The following PHIP variants were observed in gnomAD, a reference collection of about 807,000 sequenced individuals.
The protein encoded by PHIP is PH-interacting protein.
In PHIP, 54 loss-of-function variants were observed where a neutral mutation model predicts 236.8. That is an observed-to-expected ratio of 0.23 (90% CI 0.18 to 0.29). The LOEUF (loss-of-function observed/expected upper bound fraction) is 0.29, where lower values mean the gene tolerates loss of function less well. Among genes scored for constraint, PHIP ranks in the 10% least tolerant of loss-of-function variants. PHIP has a pLI of 1.00. For missense variants in PHIP, 1,370 were observed against 2,190.8 expected (o/e 0.63, Z 7.48); for synonymous variants, 756 against 718.9 (o/e 1.05, Z -0.83).
chr6:78,967,961 T>C (rs1477283975), intron 27 of PHIP, among the ~76,000 whole-genome samples: 1 of 151,738 alleles, frequency 6.6e-6, no homozygotes, highest in African/African-American at 2.4e-5. Flanking sequence ...GGTGAAACCC[T>C]GTCTCTACTA....
At chr6:79,028,058 G>C (rs1771493870) in intron 7 of PHIP, among the ~76,000 whole-genome samples, 1 of 152,000 alleles carries the variant, frequency 6.6e-6, no homozygotes, top group Non-Finnish European at 1.5e-5. Flanking sequence ...TTTAAAAAGA[G>C]CATTCCATAA....
At chr6:78,971,337 C>T (rs1767534531) in intron 24 of PHIP, among the ~76,000 whole-genome samples, 1 of 152,220 alleles carries the variant, frequency 6.6e-6, no homozygotes, top group Admixed American at 6.5e-5. Flanking sequence ...CATTTATCCA[C>T]ATTTCATGAA....
chr6:78,966,188 CA>C (rs1767112876), intron 27 of PHIP, 132 bp from the exon 28 acceptor site: 4 of 604,128 alleles, frequency 6.6e-6, no homozygotes, highest in Non-Finnish European at 1.2e-5. Flanking sequence ...CCACAAACTC[CA>C]AAAATAAGTA....
intron 9 of PHIP, among the ~76,000 whole-genome samples, chr6:79,020,170 T>A (rs9718121): frequency 0.44 from 66,242 of 151,130 alleles, 16,011 homozygotes; most frequent in East Asian, 0.8. Context: ...GCCTTTTTTT[T>A]AAAAAAAAGC....
chr6:78,952,038 GT>G (rs1007005609), intron 35 of PHIP, among the ~76,000 whole-genome samples: 5 of 152,084 alleles, frequency 3.3e-5, no homozygotes, highest in African/African-American at 1.2e-4. Flanking sequence ...CAATTGTTGA[GT>G]TTTTTTCACT....
intron 7 of PHIP, among the ~76,000 whole-genome samples, chr6:79,031,002 A>C (rs1771647156): frequency 6.6e-6 from 1 of 151,916 alleles, no homozygotes; most frequent in Admixed American, 6.6e-5. Context: ...GGAGTATTGT[A>C]GTGCGATCTC....
chr6:79,030,028 T>C (rs1205601886), intron 7 of PHIP, among the ~76,000 whole-genome samples: 1 of 152,056 alleles, frequency 6.6e-6, no homozygotes, highest in Non-Finnish European at 1.5e-5. Context: ...AACCAAGTTA[T>C]GGATATTAAA....
intron 31 of PHIP, among the ~76,000 whole-genome samples, chr6:78,959,518 T>A (rs897146301): frequency 6.6e-5 from 10 of 152,028 alleles, no homozygotes; most frequent in Non-Finnish European, 1.5e-4. Flanking sequence ...GAACTAGAAG[T>A]TTCACGAAAG....
chr6:79,002,683 G>A (rs1164864790), intron 16 of PHIP, among the ~76,000 whole-genome samples: 1 of 151,986 alleles, frequency 6.6e-6, no homozygotes, highest in Non-Finnish European at 1.5e-5. Context: ...GATAAGAGGA[G>A]GCTACTGTGT....
intron 7 of PHIP, among the ~76,000 whole-genome samples, chr6:79,040,403 T>C (rs1041523573): frequency 1.3e-5 from 2 of 152,138 alleles, no homozygotes; most frequent in African/African-American, 2.4e-5. Flanking sequence ...TTCAAATATA[T>C]ATACACAAAT....
intron 13 of PHIP, 44 bp from the exon 14 acceptor site, chr6:79,015,827 CACA>C (rs1562180843): frequency 6.7e-7 from 1 of 1,483,534 alleles, no homozygotes; most frequent in Admixed American, 2.0e-5. Flanking sequence ...AAAATACTGA[CACA>C]ACAAAAACCA....
intron 32 of PHIP, chr6:78,957,242 T>A (rs1766478624): frequency 6.6e-6 from 1 of 152,004 alleles, no homozygotes; most frequent in Non-Finnish European, 1.5e-5. Flanking sequence ...ATATACTATC[T>A]CATGTAGTTC....
At chr6:79,016,751 C>A (rs1457392257) in intron 12 of PHIP, 109 bp from the exon 13 acceptor site, 2 of 648,386 alleles carry the variant, frequency 3.1e-6, no homozygotes, top group East Asian at 5.4e-5. Context: ...TTTATTTATG[C>A]AGCATTCTAA....
In PHIP at chr6:78,978,696, C is replaced by G; in HGVS notation, c.2785G>C (p.Glu929Gln). Reference protein sequence around the residue: ...ERKQKRLAVGELTENGLTLEE... With the variant: ...ERKQKRLAVGQLTENGLTLEE... ...AATGTCAAACCATTTTCAGTTAGTT[C>G]TCCCACAGCCAATCTCTGACAAAAT... Residue 929 changes from glutamate (E) to glutamine (Q), a missense_variant, in exon 24 of 40, where the codon GAA becomes CAA. Transcript: ENST00000275034. 1 of 1,596,256 alleles carries G rather than the reference C, an allele frequency of 6.3e-7. No individual in the cohort carries two copies. The highest frequency in any genetic ancestry group is 8.6e-7 in the Non-Finnish European group (1 of 1,167,492).
intron 15 of PHIP, among the ~76,000 whole-genome samples, chr6:79,011,540 C>A (rs564512890): frequency 6.6e-6 from 1 of 151,798 alleles, no homozygotes; most frequent in Admixed American, 6.6e-5. Context: ...CCATTTCATG[C>A]CCTATGTTAG....
chr6:78,990,536 A>G (rs1769168113), intron 20 of PHIP, among the ~76,000 whole-genome samples: 2 of 152,186 alleles, frequency 1.3e-5, no homozygotes, highest in Admixed American at 6.5e-5. Context: ...ACATAGAAAA[A>G]CATAACAAAA....
rs1582133714 is a variant in PHIP at position 78,970,816 on chromosome 6, G to A, written c.2962C>T (p.Pro988Ser). The A allele has an allele frequency of 6.2e-7, 1 of 1,610,320 alleles. No homozygotes were observed. Among genetic ancestry groups the A allele is most frequent in the Non-Finnish European group, 8.5e-7 (1 of 1,178,274 alleles). Residue 988 changes from proline to serine, a missense_variant, in exon 25 of 40, where the codon CCC becomes TCC. This residue lies in a region of PHIP where 238 missense variants were observed against 398.5 expected (regional missense o/e 0.60). Transcript: ENST00000275034. Reference sequence around the variant, plus strand: ...ATTTTATGCCATGGTTGTTTTTTGGGATTGATACTATATATTTTATTTTTC... The same window carrying A: ...ATTTTATGCCATGGTTGTTTTTTGGAATTGATACTATATATTTTATTTTTC... ...ARKNKIYSIN[P>S]KKQPWHKMEL...
At chr6:78,953,899 A>C (rs1041763333) in intron 35 of PHIP, among the ~76,000 whole-genome samples, 1 of 151,952 alleles carries the variant, frequency 6.6e-6, no homozygotes, top group Non-Finnish European at 1.5e-5. Context: ...GAACTATATA[A>C]CATTTAATTA....
At chr6:79,036,987 G>A (rs539004020) in intron 7 of PHIP, among the ~76,000 whole-genome samples, 12 of 145,148 alleles carry the variant, frequency 8.3e-5, no homozygotes, top group East Asian at 6.1e-4. Context: ...TCTAAATATC[G>A]CAGTGTATAT....
Sources: gnomAD v4.1 joint callset for allele counts (sites outside exome capture counted in the v4.1 genomes callset) on GRCh38, gnomAD v4.1.1 for gene constraint, gnomAD v4.1.1 regional missense constraint, MANE v1.5 for transcripts, NCBI Gene and HGNC (gene_info 2026-07-23, HGNC 2026-07-21) for gene names.